The following HNRNPH1 variants were observed in gnomAD, a reference collection of about 807,000 sequenced individuals.
HNRNPH1 encodes the protein heterogeneous nuclear ribonucleoprotein H1, also known as heterogeneous nuclear ribonucleoprotein H.
Under a neutral mutation model 58.6 loss-of-function variants are expected in HNRNPH1, and 4 were observed. That is an observed-to-expected ratio of 0.07 (90% confidence interval 0.03 to 0.16). The LOEUF is 0.16. Ranked by LOEUF, HNRNPH1 falls within the 10% of genes least tolerant of loss-of-function variation. The pLI is 1.00. For synonymous variants in HNRNPH1, 192 were observed against 189.2 expected, an observed-to-expected ratio of 1.01 and a Z score of -0.12; for missense variants, 271 against 564.2, an observed-to-expected ratio of 0.48 and a Z score of 5.26.
At chr5:179,629,168 G>A (rs1157883576), upstream of HNRNPH1, 6 of 150,360 alleles carry the variant, frequency 4.0e-5, no homozygotes, top group African/African-American at 1.2e-4. Context: ...GTGGTGGCGG[G>A]CGCCTGTAGT....
chr5:179,620,881 T>C lies in HNRNPH1; in HGVS notation c.397+11A>G. 6.2e-7 allele frequency: 1 copy of C among 1,613,156 alleles called. No homozygotes were observed. The highest frequency in any genetic ancestry group is 1.1e-5 in the South Asian group (1 of 90,952). On this transcript the variant is annotated intron_variant, in intron 3 of 12. Coordinates refer to ENST00000356731, the Ensembl canonical transcript of HNRNPH1. ...AAAACTCACTGCTCAGCAACAAACA[T>C]GACTACATACCTGAGAAGAACTGAA...
chr5:179,627,850 A>C (rs1034672231), upstream of HNRNPH1, among the ~76,000 whole-genome samples: 2 of 150,700 alleles, frequency 1.3e-5, no homozygotes, highest in African/African-American at 4.9e-5. Context: ...TGAACCCAGG[A>C]TGTGGAGGTT....
chr5:179,621,229 A>G lies in HNRNPH1; in HGVS notation c.253+13T>C. 6.2e-7 allele frequency: 1 copy of G among 1,610,348 alleles called. No homozygotes were observed. The highest frequency in any genetic ancestry group is 8.5e-7 in the Non-Finnish European group (1 of 1,176,630). On this transcript the variant is annotated intron_variant, in intron 2 of 12. Transcript: ENST00000356731. ...TGCTTTATTTACTGTAACTAGGGCA[A>G]TGTAAATCAAACCTTCAACATATCT...
At chr5:179,632,488 G>C (rs1774925300) in intron 2 of HNRNPH1, among the ~76,000 whole-genome samples, 1 of 152,220 alleles carries the variant, frequency 6.6e-6, no homozygotes, top group South Asian at 2.1e-4. Context: ...CCGACGCCGA[G>C]TCCGGCTCCA....
chr5:179,617,557 A>G (rs1175227053), exon 8 of HNRNPH1: 2 of 1,614,012 alleles, frequency 1.2e-6, no homozygotes, highest in Non-Finnish European at 1.7e-6. Flanking sequence ...CAGCATCTTC[A>G]TGAGTTGCGA....
intron 3 of HNRNPH1, among the ~76,000 whole-genome samples, chr5:179,620,515 A>T (rs1176094239): frequency 6.6e-6 from 1 of 151,922 alleles, no homozygotes; most frequent in African/African-American, 2.4e-5. Context: ...CTTGCAACAC[A>T]GACACTTGCC....
At chr5:179,626,055 A>T (rs1189055111), upstream of HNRNPH1, among the ~76,000 whole-genome samples, 3 of 151,302 alleles carry the variant, frequency 2.0e-5, no homozygotes, top group Non-Finnish European at 4.4e-5. Context: ...TCGCAGAGAA[A>T]GTGCTGGGAT....
chr5:179,632,751 A>ACCTTTT (rs1774948827), intron 2 of HNRNPH1, among the ~76,000 whole-genome samples: 1 of 50,886 alleles, frequency 2.0e-5, no homozygotes, highest in Non-Finnish European at 3.6e-5. Flanking sequence ...CAAATCAAAT[A>ACCTTTT]TCTTTTTTTT....
intron 10 of HNRNPH1, chr5:179,616,524 C>T: frequency 5.8e-6 from 3 of 513,750 alleles, no homozygotes; most frequent in Non-Finnish European, 1.0e-5. Context: ...AGTGGGTTCC[C>T]CCTCAGTTTG....
intron 8 of HNRNPH1, 78 bp downstream of exon 9, chr5:179,617,436 T>C (rs1216328587): frequency 1.3e-6 from 2 of 1,483,136 alleles, no homozygotes; most frequent in Admixed American, 1.9e-5. Flanking sequence ...CATATATCCT[T>C]ATTTTTCCAT....
At chr5:179,629,747 G>A (rs1020887653) in intron 2 of HNRNPH1, among the ~76,000 whole-genome samples, 2 of 152,190 alleles carry the variant, frequency 1.3e-5, no homozygotes, top group Admixed American at 1.3e-4. Context: ...AGTAGACTGG[G>A]TGCAGTGGCT....
intron 3 of HNRNPH1, 152 bp from the exon 5 acceptor site, chr5:179,619,559 A>G (rs1771279545): frequency 1.7e-6 from 1 of 597,226 alleles, no homozygotes; most frequent in Admixed American, 3.3e-5. Flanking sequence ...ATGCATTGCA[A>G]TAATATGAAG....
At chr5:179,626,047 G>A (rs76935490), upstream of HNRNPH1, among the ~76,000 whole-genome samples, 16,136 of 151,608 alleles carry the variant, frequency 0.11, 934 homozygotes, top group African/African-American at 0.13. Flanking sequence ...CCTCAGCCTC[G>A]CAGAGAAAGT....
exon 1 of HNRNPH1, chr5:179,623,928 T>C (rs991652971): frequency 6.6e-6 from 1 of 152,344 alleles, no homozygotes; most frequent in South Asian, 2.0e-4. Context: ...TAGCGGTTTA[T>C]AATTATTTCA....
chr5:179,632,961 G>A (rs1277024031), intron 2 of HNRNPH1, among the ~76,000 whole-genome samples: 2 of 147,634 alleles, frequency 1.4e-5, no homozygotes, highest in African/African-American at 2.5e-5. Context: ...GTATTCAAGC[G>A]ATTCTCCAGC....
At chr5:179,614,901 G>C (rs762154041) in exon 13 of HNRNPH1, 2 of 1,547,448 alleles carry the variant, frequency 1.3e-6, no homozygotes, top group Admixed American at 3.9e-5. Flanking sequence ...TTCCGTTCAC[G>C]CCCATAGATG....
At chr5:179,619,592 T>TA in intron 3 of HNRNPH1, 185 bp from the exon 5 acceptor site, 1 of 519,352 alleles carries the variant, frequency 1.9e-6, no homozygotes, top group Non-Finnish European at 3.4e-6. Context: ...AAAGTATAAC[T>TA]ATTCTTAACA....
exon 12 of HNRNPH1, chr5:179,615,594 G>T: frequency 6.5e-7 from 1 of 1,541,598 alleles, no homozygotes; most frequent in Non-Finnish European, 8.9e-7. Context: ...GTAAAACTTG[G>T]TCTGCAAAAG....
intron 2 of HNRNPH1, among the ~76,000 whole-genome samples, chr5:179,630,334 A>C (rs1448537109): frequency 6.6e-6 from 1 of 151,628 alleles, no homozygotes; most frequent in Non-Finnish European, 1.5e-5. Flanking sequence ...GGGCAACAAC[A>C]GTGAAATTCT....
Sources: gnomAD v4.1 joint callset for allele counts (sites outside exome capture counted in the v4.1 genomes callset) on GRCh38, gnomAD v4.1.1 for gene constraint, MANE v1.5 for transcripts, NCBI Gene and HGNC (gene_info 2026-07-23, HGNC 2026-07-21) for gene names.